The following TMEM117 variants were observed in gnomAD, a reference collection of about 807,000 sequenced individuals.
The protein encoded by TMEM117 is transmembrane protein 117.
Under a neutral mutation model 52.4 loss-of-function variants are expected in TMEM117, and 27 were observed. The observed-to-expected ratio is 0.51, with a 90% confidence interval of 0.38 to 0.71. TMEM117 has a LOEUF of 0.71. Ranked by LOEUF, TMEM117 falls within the 30% of genes least tolerant of loss-of-function variation. The pLI is 0.00. For missense variants in TMEM117, 556 were observed against 630.5 expected, an observed-to-expected ratio of 0.88 and a Z score of 1.26; for synonymous variants, 215 against 206.3, an observed-to-expected ratio of 1.04 and a Z score of -0.36.
chr12:44,361,728 G>A lies in TMEM117; in HGVS notation c.769-14867G>A, dbSNP rs528819106. Among the ~76,000 whole-genome samples the A allele has an allele frequency of 3.3e-5, 5 of 152,190 alleles. No individual in the cohort carries two copies. The South Asian group carries it at 1.0e-3, about 32-fold the overall frequency. On this transcript the variant is annotated intron_variant, in intron 6 of 7. Coordinates refer to ENST00000266534, the MANE Select transcript of TMEM117 (RefSeq NM_032256.3). Reference sequence around the variant, plus strand: ...ACACCACACGGTAGTCTGTTGTGACGCTGTAATAGAAGATTCTTTGGTGCT... The same window carrying A: ...ACACCACACGGTAGTCTGTTGTGACACTGTAATAGAAGATTCTTTGGTGCT...
intron 2 of TMEM117, among the ~76,000 whole-genome samples, chr12:43,878,387 G>T (rs1943840149): frequency 6.6e-6 from 1 of 152,082 alleles, no homozygotes; most frequent in Non-Finnish European, 1.5e-5. Context: ...TGAAAATATG[G>T]TCAGCTTACA....
intron 2 of TMEM117, among the ~76,000 whole-genome samples, chr12:43,929,983 T>A (rs1025744402): frequency 6.6e-5 from 10 of 152,156 alleles, no homozygotes; most frequent in African/African-American, 2.4e-4. Flanking sequence ...AGAGATAATA[T>A]CTAAAGAATT....
intron 2 of TMEM117, among the ~76,000 whole-genome samples, chr12:43,886,427 G>T (rs189717880): frequency 0.01 from 1,595 of 152,234 alleles, 12 homozygotes; most frequent in South Asian, 0.035. Context: ...GATCACTTAA[G>T]ATTTTATAAA....
chr12:44,085,525 C>T (rs1182018450), intron 3 of TMEM117, among the ~76,000 whole-genome samples: 1 of 152,220 alleles, frequency 6.6e-6, no homozygotes, highest in Non-Finnish European at 1.5e-5. Flanking sequence ...GATCTGAGAA[C>T]ACATGCAAAA....
intron 3 of TMEM117, among the ~76,000 whole-genome samples, chr12:44,018,465 G>A (rs949519922): frequency 2.0e-5 from 3 of 152,120 alleles, no homozygotes; most frequent in South Asian, 2.1e-4. Context: ...CACATTTGAA[G>A]TAATTTTAAT....
intron 2 of TMEM117, among the ~76,000 whole-genome samples, chr12:43,888,152 C>T (rs908974213): frequency 6.6e-6 from 1 of 152,068 alleles, no homozygotes; most frequent in Non-Finnish European, 1.5e-5. Flanking sequence ...TTACTTTCTC[C>T]GAACATCACC....
intron 3 of TMEM117, among the ~76,000 whole-genome samples, chr12:44,104,439 A>G (rs915495297): frequency 3.3e-5 from 5 of 151,984 alleles, no homozygotes; most frequent in Admixed American, 2.0e-4. Context: ...ATAAATATTT[A>G]TTGAGCACCT....
intron 3 of TMEM117, among the ~76,000 whole-genome samples, chr12:44,076,683 A>C (rs1337087333): frequency 6.6e-6 from 1 of 152,218 alleles, no homozygotes; most frequent in African/African-American, 2.4e-5. Context: ...CAGTGTCCAC[A>C]GCAATATGGT....
chr12:44,234,403 T>G (rs1336901403), intron 5 of TMEM117, among the ~76,000 whole-genome samples: 3 of 151,480 alleles, frequency 2.0e-5, no homozygotes. Context: ...TGTTCTTAAT[T>G]TTCTCTTAGT....
intron 3 of TMEM117, among the ~76,000 whole-genome samples, chr12:44,043,100 G>A (rs561745032): frequency 4.1e-4 from 62 of 152,226 alleles, no homozygotes; most frequent in Admixed American, 3.9e-4. Context: ...CTCCTTGACC[G>A]TATGTGGAGA....
At chr12:44,356,805 A>G (rs1290993556) in intron 6 of TMEM117, among the ~76,000 whole-genome samples, 2 of 152,072 alleles carry the variant, frequency 1.3e-5, no homozygotes, top group Non-Finnish European at 2.9e-5. Context: ...GGTCTTCACC[A>G]TGTCTTGTCT....
At chr12:43,964,460 T>C (rs1945452744) in intron 3 of TMEM117, among the ~76,000 whole-genome samples, 1 of 152,220 alleles carries the variant, frequency 6.6e-6, no homozygotes, top group Admixed American at 6.5e-5. Flanking sequence ...TTCTCTTTCC[T>C]AAAATTCTTC....
At chr12:44,263,589 A>C (rs1387281469) in intron 5 of TMEM117, 1 of 152,210 alleles carries the variant, frequency 6.6e-6, no homozygotes, top group South Asian at 2.1e-4. Flanking sequence ...CTTGGAACCA[A>C]CCCAAATGCC....
intron 3 of TMEM117, among the ~76,000 whole-genome samples, chr12:43,996,874 T>G (rs1166647308): frequency 6.6e-6 from 1 of 152,182 alleles, no homozygotes; most frequent in Non-Finnish European, 1.5e-5. Context: ...ACCTCCCTGG[T>G]AGCTGAAGCA....
intron 1 of TMEM117, among the ~76,000 whole-genome samples, chr12:43,837,995 T>C (rs986694397): frequency 6.6e-6 from 1 of 152,228 alleles, no homozygotes; most frequent in Non-Finnish European, 1.5e-5. Flanking sequence ...TCCTGGAATC[T>C]ATCAGAACCA....
chr12:44,326,067 G>A (rs1411392958), intron 6 of TMEM117, among the ~76,000 whole-genome samples: 3 of 152,156 alleles, frequency 2.0e-5, no homozygotes, highest in South Asian at 4.2e-4. Flanking sequence ...AGAGGCTGAG[G>A]TGGGAGAATT....
chr12:44,299,534 A>G, intron 5 of TMEM117, 46 bp from the exon 6 acceptor site: 5 of 1,604,178 alleles, frequency 3.1e-6, no homozygotes, highest in Non-Finnish European at 4.3e-6. Flanking sequence ...TCTAGTATCT[A>G]TATTTTATGC....
chr12:44,372,327 A>G (rs1314049963), intron 6 of TMEM117, among the ~76,000 whole-genome samples: 2 of 152,166 alleles, frequency 1.3e-5, no homozygotes, highest in African/African-American at 2.4e-5. Context: ...TTCAAAATAT[A>G]TATTTTACAT....
chr12:43,921,372 G>A (rs1281633854), intron 2 of TMEM117, among the ~76,000 whole-genome samples: 2 of 152,082 alleles, frequency 1.3e-5, no homozygotes. Context: ...TTTTTAGTTA[G>A]TATCTGGTAG....
Sources: gnomAD v4.1 joint callset for allele counts (sites outside exome capture counted in the v4.1 genomes callset) on GRCh38, gnomAD v4.1.1 for gene constraint, MANE v1.5 for transcripts, NCBI Gene and HGNC (gene_info 2026-07-23, HGNC 2026-07-21) for gene names.